The following ZBBX variants were observed in gnomAD, a reference collection of about 807,000 sequenced individuals.
ZBBX encodes zinc finger B-box domain containing.
In ZBBX, 101 loss-of-function variants were observed where a neutral mutation model predicts 108.5. The ratio of observed to expected loss-of-function variants is 0.93; its 90% CI spans 0.79 to 1.10. The LOEUF (loss-of-function observed/expected upper bound fraction) is 1.10. ZBBX is among the 50% of genes least tolerant of loss of function. The probability of loss-of-function intolerance (pLI) is 0.00; values close to 1 mark genes in which losing one functional copy is unlikely to be tolerated. For synonymous variants in ZBBX, 356 were observed against 323.4 expected, an observed-to-expected ratio of 1.10 and a Z score of -1.08; for missense variants, 1,009 against 941.4, an observed-to-expected ratio of 1.07 and a Z score of -0.94.
chr3:167,284,338 C>G (rs762382287), intron 19 of ZBBX, among the ~76,000 whole-genome samples: 1 of 151,964 alleles, frequency 6.6e-6, no homozygotes, highest in Non-Finnish European at 1.5e-5. Context: ...AGCAATAGCA[C>G]AGGCAATAGC....
rs529425432 is a variant in ZBBX at position 167,386,283 on chromosome 3, G to T, written c.-445-5878C>A. Among the ~76,000 whole-genome samples the T allele has an allele frequency of 1.4e-4, 21 of 152,088 alleles. No homozygotes were observed. The South Asian group carries it at 4.4e-3, about 32-fold the overall frequency. On this transcript the variant is annotated intron_variant, in intron 1 of 21. Coordinates refer to the ZBBX transcript ENST00000455345. The stretch of plus-strand genomic sequence containing the variant: ...CTACATCCAAAAATGATACACTCCT[G>T]CATCTTTAAAATAAAATTCCCTTAT...
chr3:167,316,466 C>G (rs1435702995), intron 14 of ZBBX, among the ~76,000 whole-genome samples: 1 of 151,990 alleles, frequency 6.6e-6, no homozygotes, highest in African/African-American at 2.4e-5. Flanking sequence ...ACCTTCAGTC[C>G]AGAGCTCTAG....
intron 17 of ZBBX, among the ~76,000 whole-genome samples, chr3:167,303,428 T>C (rs1276535159): frequency 1.3e-5 from 2 of 152,186 alleles, no homozygotes; most frequent in African/African-American, 4.8e-5. Flanking sequence ...ATTCTCAAAT[T>C]GGGCATTCTA....
At chr3:167,281,371 C>T (rs1025351355) in intron 20 of ZBBX, among the ~76,000 whole-genome samples, 29 of 151,636 alleles carry the variant, frequency 1.9e-4, no homozygotes, top group African/African-American at 6.8e-4. Flanking sequence ...TTTTGTATTG[C>T]TTTAATTTTT....
rs1482676017 is a variant in ZBBX at position 167,295,876 on chromosome 3, C to G, written c.1879+2429G>C. ...ACACATTTGAAGAAATAACACCAGTCCTCAAACTTTTCCAAAAGATTGAAG... is the reference window on the plus strand; with the variant it reads ...ACACATTTGAAGAAATAACACCAGTGCTCAAACTTTTCCAAAAGATTGAAG... On this transcript the variant is annotated intron_variant, in intron 18 of 21. Coordinates refer to ENST00000675490, the MANE Select transcript of ZBBX (RefSeq NM_001199201.2). Among the ~76,000 whole-genome samples the G allele has an allele frequency of 2.0e-5, 3 of 150,280 alleles. No homozygotes were observed. The Middle Eastern group carries it at 0.01, about 518-fold the overall frequency.
At chr3:167,197,448 G>A in the ZBBX span, among the ~76,000 whole-genome samples, 1 of 152,160 alleles carries the variant, frequency 6.6e-6, no homozygotes, top group African/African-American at 2.4e-5. Context: ...TGAGTCAGGA[G>A]AATGGTGTGA....
intron 10 of ZBBX, among the ~76,000 whole-genome samples, chr3:167,329,030 T>C (rs1737913229): frequency 6.6e-6 from 1 of 152,142 alleles, no homozygotes; most frequent in Admixed American, 6.6e-5. Flanking sequence ...TGGCACAAAG[T>C]AGGTGTTCAT....
chr3:167,292,588 A>G (rs889203172), intron 18 of ZBBX, among the ~76,000 whole-genome samples: 3 of 152,200 alleles, frequency 2.0e-5, no homozygotes, highest in African/African-American at 7.2e-5. Context: ...AATGTCCTCA[A>G]GAGAAAGCTG....
chr3:167,283,526 C>T (rs951395259), intron 19 of ZBBX, among the ~76,000 whole-genome samples: 1 of 152,114 alleles, frequency 6.6e-6, no homozygotes, highest in African/African-American at 2.4e-5. Flanking sequence ...TTGATGGAAC[C>T]TATGCCATAT....
chr3:167,280,966 A>G (rs1312141227), intron 20 of ZBBX, among the ~76,000 whole-genome samples: 2 of 152,210 alleles, frequency 1.3e-5, no homozygotes, highest in African/African-American at 4.8e-5. Context: ...GACATGGATG[A>G]AATTGGAAAT....
intron 16 of ZBBX, among the ~76,000 whole-genome samples, chr3:167,307,523 G>T (rs1358379225): frequency 6.6e-6 from 1 of 152,032 alleles, no homozygotes; most frequent in African/African-American, 2.4e-5. Context: ...GCAATCCTAA[G>T]CAAAAAGAGC....
chr3:167,388,888 G>T (rs935941171), intron 1 of ZBBX, among the ~76,000 whole-genome samples: 1 of 151,906 alleles, frequency 6.6e-6, no homozygotes, highest in African/African-American at 2.4e-5. Context: ...TCTTAAATTT[G>T]CATTTCTTTT....
At chr3:167,289,364 A>G (rs955526257) in intron 18 of ZBBX, among the ~76,000 whole-genome samples, 1 of 152,148 alleles carries the variant, frequency 6.6e-6, no homozygotes, top group Non-Finnish European at 1.5e-5. Context: ...AGTGATAATG[A>G]TGTAGAAGGC....
chr3:167,228,068 C>G, the ZBBX span, among the ~76,000 whole-genome samples: 1 of 151,720 alleles, frequency 6.6e-6, no homozygotes, highest in Admixed American at 6.6e-5. Context: ...AAAATACCTT[C>G]AAACATGATC....
the ZBBX span, among the ~76,000 whole-genome samples, chr3:167,196,957 G>A: frequency 2.0e-5 from 3 of 152,100 alleles, no homozygotes; most frequent in Non-Finnish European, 2.9e-5. Context: ...AAGGTTATAC[G>A]ATTTCTACCA....
chr3:167,217,788 A>C, the ZBBX span, among the ~76,000 whole-genome samples: 1 of 152,226 alleles, frequency 6.6e-6, no homozygotes, highest in African/African-American at 2.4e-5. Context: ...AGCCATAAAA[A>C]GAACGAGATC....
chr3:167,277,739 C>T (rs1418432106), intron 20 of ZBBX, among the ~76,000 whole-genome samples: 5 of 152,010 alleles, frequency 3.3e-5, no homozygotes, highest in African/African-American at 7.2e-5. Context: ...CAGCTCTGCA[C>T]CAAGCAGACC....
intron 12 of ZBBX, 51 bp from the exon 13 acceptor site, chr3:167,317,648 C>T: frequency 8.3e-7 from 1 of 1,207,864 alleles, no homozygotes; most frequent in South Asian, 1.4e-5. Flanking sequence ...TTACCTGAAA[C>T]TTTCCCAGAC....
the ZBBX span, among the ~76,000 whole-genome samples, chr3:167,223,192 C>T: frequency 6.6e-6 from 1 of 151,950 alleles, no homozygotes; most frequent in South Asian, 2.1e-4. Flanking sequence ...ACCAGTCAGG[C>T]CTTCCCCTCA....
Sources: allele counts gnomAD v4.1 joint callset (sites outside exome capture counted in the v4.1 genomes callset), GRCh38; gene constraint gnomAD v4.1.1; transcripts MANE v1.5; gene names NCBI Gene and HGNC (gene_info 2026-07-23, HGNC 2026-07-21).